Variants in TIRAP observed in about 807,000 individuals in gnomAD.
TIRAP encodes toll/interleukin-1 receptor domain-containing adapter protein.
Under a neutral mutation model 19.8 loss-of-function variants are expected in TIRAP, and 20 were observed. The ratio of observed to expected loss-of-function variants is 1.01; its 90% CI spans 0.71 to 1.47. The LOEUF (loss-of-function observed/expected upper bound fraction) is 1.47. Among genes scored for constraint, TIRAP ranks in the 40% most tolerant of loss-of-function variants. The pLI is 0.00. For synonymous variants in TIRAP, 125 were observed against 121.7 expected (o/e 1.03, Z -0.18); for missense variants, 276 against 285.1 (o/e 0.97, Z 0.23).
intron 1 of TIRAP, among the ~76,000 whole-genome samples, chr11:126,286,301 G>T (rs1434413135): frequency 6.6e-6 from 1 of 151,994 alleles, no homozygotes; most frequent in Non-Finnish European, 1.5e-5. Flanking sequence ...GGAGGCAGAG[G>T]TTGCAGTGAG....
rs962670567 is a variant in TIRAP at position 126,288,454 on chromosome 11, C to A, written c.-216-2008C>A. 21 of 152,210 alleles carry A rather than the reference C, an allele frequency of 1.4e-4. No individual in the cohort carries two copies. Among genetic ancestry groups the A allele is most frequent in the Non-Finnish European group, 3.1e-4 (21 of 68,040 alleles). The allele number at this position is 152,210 out of a possible 1,614,324, so 9.4% of individuals were successfully genotyped here. A position where few individuals can be genotyped will look rare whatever the true frequency, so the allele number is the denominator to read the frequency against. On this transcript the variant is annotated intron_variant, in intron 1 of 4. Transcript: ENST00000392679. This position sits in a 1 kb window ranked among gnomAD's most constrained non-coding sequence, Gnocchi z 5.0. ...TGAATATGTGACAGTTCCACAGCTC[C>A]AGCTACAAAAGAACTGAAAAGGAAC...
intron 1 of TIRAP, chr11:126,289,857 C>G (rs1013166937): frequency 2.3e-5 from 23 of 984,948 alleles, no homozygotes; most frequent in Admixed American, 1.2e-4. Flanking sequence ...CTAAGGGATT[C>G]TTGGGCCTTT....
chr11:126,293,446 C>T lies in TIRAP; in HGVS notation c.647-222C>T. 6 of 713,372 alleles carry T rather than the reference C, an allele frequency of 8.4e-6. No homozygotes were observed. In the South Asian group the frequency reaches 8.9e-5, roughly 11 times the overall value. 44.2% of individuals were successfully genotyped at this position (713,372 alleles called of 1,614,324 possible). A position where few individuals can be genotyped will look rare whatever the true frequency, so the allele number is the denominator to read the frequency against. On this transcript the variant is annotated intron_variant, in intron 4 of 4. Transcript: ENST00000392679. ...TTCTCTGAGATCAGGCTGGAGATGT[C>T]CATCAAGAGCTGGGAAGGTGCCAGG...
Position 126,283,099 on chromosome 11 carries a change from C to CCCGCGGAGCCCGCGCAGT in TIRAP, c.-265_-248dup. Reference sequence around the variant, plus strand: ...GAGCGGGGCCTGCGCGCTGCTCTTCCCCGCGGAGCCCGCGCAGTCCGCGCA... The same window carrying CCCGCGGAGCCCGCGCAGT: ...GAGCGGGGCCTGCGCGCTGCTCTTCCCCGCGGAGCCCGCGCAGTCCGCGGAGCCCGCGCAGTCCGCGCA... On this transcript the variant is annotated 5_prime_UTR_variant, in exon 1 of 5. Transcript: ENST00000392679. 6 of 985,238 alleles carry CCCGCGGAGCCCGCGCAGT rather than the reference C, an allele frequency of 6.1e-6. No homozygotes were observed. Among genetic ancestry groups the CCCGCGGAGCCCGCGCAGT allele is most frequent in the Non-Finnish European group, 7.2e-6 (6 of 829,860 alleles). 61.0% of individuals were successfully genotyped at this position (985,238 alleles called of 1,614,324 possible).
rs995320117 is a variant in TIRAP at position 126,287,321 on chromosome 11, T to A, written c.-216-3141T>A. 6.6e-6 allele frequency among the ~76,000 whole-genome samples: 1 copy of A among 151,914 alleles called. No homozygotes were observed. Among genetic ancestry groups the A allele is most frequent in the African/African-American group, 2.4e-5 (1 of 41,374 alleles). The stretch of plus-strand genomic sequence containing the variant: ...TTGGATACTAAATACACTTTGGATT[T>A]TTTTTTTTTTATTTTTGAGACTTGA... On this transcript the variant is annotated intron_variant, in intron 1 of 4. Transcript: ENST00000392679. This position sits in a 1 kb window ranked among gnomAD's most constrained non-coding sequence, Gnocchi z 4.2.
rs1057122798 is a variant in TIRAP, at chr11:126,283,105, G to A, written c.-265G>A. On this transcript the variant is annotated 5_prime_UTR_variant, in exon 1 of 5. Transcript: ENST00000392679. ...GGCCTGCGCGCTGCTCTTCCCCGCG[G>A]AGCCCGCGCAGTCCGCGCAGCCCTC... 1.2e-4 allele frequency: 119 copies of A among 985,256 alleles called. No individual in the cohort carries two copies. In the African/African-American group the frequency reaches 1.6e-3, roughly 13 times the overall value. 61.0% of individuals were successfully genotyped at this position (985,256 alleles called of 1,614,324 possible).
Position 126,290,744 on chromosome 11 carries a change from T to C in TIRAP, c.-92-59T>C, listed in dbSNP as rs945688140. 2.8e-6 allele frequency: 4 copies of C among 1,426,994 alleles called. No homozygotes were observed. In the African/African-American group the frequency reaches 4.4e-5, roughly 16 times the overall value. The allele number at this position is 1,426,994 out of a possible 1,614,324, so 88.4% of individuals were successfully genotyped here. On this transcript the variant is annotated intron_variant, in intron 2 of 4. Transcript: ENST00000392679. This position sits in a 1 kb window ranked among gnomAD's most constrained non-coding sequence, Gnocchi z 4.9. Reference sequence around the variant, plus strand: ...AACAGAACTTCGCAGAGCTCATCCATGGGGAATGAGAGCAGGGTAAGTGCA... The same window carrying C: ...AACAGAACTTCGCAGAGCTCATCCACGGGGAATGAGAGCAGGGTAAGTGCA...
chr11:126,293,890 C>T lies in TIRAP; in HGVS notation c.*203C>T. ...AGACCATGGAGAGCTTGGGGACTCC[C>T]CCAGGAAGGCCGTGAAGCTGGGGAT... is the stretch of plus-strand genomic sequence containing the variant. On this transcript the variant is annotated 3_prime_UTR_variant, in exon 5 of 5. Transcript: ENST00000392679. 2 of 615,348 alleles carry T rather than the reference C, an allele frequency of 3.3e-6. No homozygotes were observed. The highest frequency in any genetic ancestry group is 1.9e-5 in the South Asian group (1 of 52,662). 38.1% of individuals were successfully genotyped at this position (615,348 alleles called of 1,614,324 possible).
Position 126,293,763 on chromosome 11 carries a change from CA to C in TIRAP, c.*77del, listed in dbSNP as rs769912545. The C allele has an allele frequency of 3.3e-6, 5 of 1,527,228 alleles. No homozygotes were observed. In the South Asian group the frequency reaches 5.6e-5, roughly 17 times the overall value. 94.6% of individuals were successfully genotyped at this position (1,527,228 alleles called of 1,614,324 possible). On this transcript the variant is annotated 3_prime_UTR_variant, in exon 5 of 5. Transcript: ENST00000392679. ...AAACCCATGCAGGGCCTCGGATTCC[CA>C]CAAATGTGACAAGAGGTATAGGGAG...
In TIRAP at chr11:126,293,956, G is replaced by C. The variant is rs551011407; in HGVS notation, c.*269G>C. ...CATGAGGAAGCTGGGGACTCCCCAA[G>C]AAGGCCATGAGGAAGCCAGAAATTG... On this transcript the variant is annotated 3_prime_UTR_variant, in exon 5 of 5. Coordinates refer to ENST00000392679, the MANE Select transcript of TIRAP (RefSeq NM_001318777.2). The C allele has an allele frequency of 1.8e-4, 94 of 523,386 alleles. 2 individuals are homozygous for C. In the South Asian group the frequency reaches 1.8e-3, roughly 10 times the overall value. 32.4% of individuals were successfully genotyped at this position (523,386 alleles called of 1,614,324 possible).
Position 126,294,499 on chromosome 11 carries a change from G to T in TIRAP, c.*812G>T, listed in dbSNP as rs1469679154. On this transcript the variant is annotated 3_prime_UTR_variant, in exon 5 of 5. Transcript: ENST00000392679. ...AGCCCATGGATGCTGTGACATCTGG[G>T]AGCTTCATCAGTGGTCTGGCTAAAG... 1 of 456,226 alleles carries T rather than the reference G, an allele frequency of 2.2e-6. No individual in the cohort carries two copies. Among genetic ancestry groups the T allele is most frequent in the East Asian group, 6.9e-5 (1 of 14,396 alleles). 28.3% of individuals were successfully genotyped at this position (456,226 alleles called of 1,614,324 possible).
chr11:126,290,677 G>A lies in TIRAP; in HGVS notation c.-93+92G>A. The A allele has an allele frequency of 1.5e-6, 2 of 1,346,598 alleles. No homozygotes were observed. Among genetic ancestry groups the A allele is most frequent in the Non-Finnish European group, 1.9e-6 (2 of 1,053,244 alleles). 83.4% of individuals were successfully genotyped at this position (1,346,598 alleles called of 1,614,324 possible). A position where few individuals can be genotyped will look rare whatever the true frequency, so the allele number is the denominator to read the frequency against. The stretch of plus-strand genomic sequence containing the variant: ...GGCCCTAATCTCATGAGGAATGAAA[G>A]ACCCATTTAGAGAAGAAGCCTCTGT... On this transcript the variant is annotated intron_variant, in intron 2 of 4. Transcript: ENST00000392679. The surrounding 1 kb of genome is among the most constrained non-coding windows in gnomAD (Gnocchi z 4.9).
intron 4 of TIRAP, 39 bp downstream of exon 4, chr11:126,293,094 G>C (rs1164131220): frequency 6.2e-7 from 1 of 1,613,380 alleles, no homozygotes; most frequent in Non-Finnish European, 8.5e-7. Context: ...ACGGGATTCA[G>C]CTACAGTATC....
chr11:126,290,273 A>G lies in TIRAP; in HGVS notation c.-216-189A>G, dbSNP rs1951364368. On this transcript the variant is annotated intron_variant, in intron 1 of 4. Coordinates refer to ENST00000392679, the MANE Select transcript of TIRAP (RefSeq NM_001318777.2). The surrounding 1 kb of genome is among the most constrained non-coding windows in gnomAD (Gnocchi z 4.9). Reference sequence around the variant, plus strand: ...TCTGCAGTCTGTACCACTTTTTGACATGACCTTCCTGAGCTGACGGCTGCA... The same window carrying G: ...TCTGCAGTCTGTACCACTTTTTGACGTGACCTTCCTGAGCTGACGGCTGCA... Among the ~76,000 whole-genome samples, 1 of 152,164 alleles carries G rather than the reference A, an allele frequency of 6.6e-6. No individual in the cohort carries two copies. Among genetic ancestry groups the G allele is most frequent in the African/African-American group, 2.4e-5 (1 of 41,462 alleles).
In TIRAP at chr11:126,292,953, C is replaced by T. The variant is rs780683842; in HGVS notation, c.544C>T (p.Leu182Phe). Residue 182 changes from leucine (L) to phenylalanine (F), a missense_variant, in exon 4 of 5, where the codon CTC becomes TTC. By Grantham distance (22) the Leu-to-Phe change is conservative. Coordinates refer to ENST00000392679, the MANE Select transcript of TIRAP (RefSeq NM_001318777.2). ...EGCTIPLLSG[L>F]SRAAYPPELR... ...CTGCACCATCCCCCTGCTGTCGGGC[C>T]TCAGCAGAGCTGCCTACCCACCTGA... 4 of 1,614,044 alleles carry T rather than the reference C, an allele frequency of 2.5e-6. No homozygotes were observed. Among genetic ancestry groups the T allele is most frequent in the Non-Finnish European group, 3.4e-6 (4 of 1,180,000 alleles).
chr11:126,292,403 G>T, intron 3 of TIRAP, 74 bp from the exon 4 acceptor site: 3 of 1,534,928 alleles, frequency 2.0e-6, no homozygotes, highest in Non-Finnish European at 1.8e-6. Context: ...CCTGTGAGGT[G>T]GGGCTCCTCC....
Position 126,290,963 on chromosome 11 carries a change from T to C in TIRAP, c.67+2T>C, listed in dbSNP as rs748624875. ...AGAAGCCTCTAGGCAAGATGGCTGG[T>C]GAGTGGAACCGGACTCGCGACTCTG... On this transcript the variant is annotated splice_donor_variant, in intron 3 of 4. Transcript: ENST00000392679. LOFTEE classifies it high-confidence loss of function. This position sits in a 1 kb window ranked among gnomAD's most constrained non-coding sequence, Gnocchi z 4.9. 2 of 1,603,416 alleles carry C rather than the reference T, an allele frequency of 1.2e-6. No individual in the cohort carries two copies. Among genetic ancestry groups the C allele is most frequent in the African/African-American group, 2.7e-5 (2 of 74,734 alleles).
In TIRAP at chr11:126,291,711, T is replaced by G; in HGVS notation, c.67+750T>G. 1 of 364,470 alleles carries G rather than the reference T, an allele frequency of 2.7e-6. No individual in the cohort carries two copies. The highest frequency in any genetic ancestry group is 5.5e-6 in the Non-Finnish European group (1 of 182,820). 22.6% of individuals were successfully genotyped at this position (364,470 alleles called of 1,614,324 possible). ...CCTTCCTTCCTGTATACGTAGCCCT[T>G]CCTAATCTAAGTCCACCTCCCCTCA... On this transcript the variant is annotated intron_variant, in intron 3 of 4. Transcript: ENST00000392679. The surrounding 1 kb of genome is among the most constrained non-coding windows in gnomAD (Gnocchi z 5.6).
intron 4 of TIRAP, 54 bp from the exon 5 acceptor site, chr11:126,293,614 A>C (rs1005916051): frequency 6.2e-7 from 1 of 1,606,922 alleles, no homozygotes; most frequent in African/African-American, 1.3e-5. Context: ...CCTGTTGGGG[A>C]AAACAGATGC....
Sources: allele counts gnomAD v4.1 joint callset (sites outside exome capture counted in the v4.1 genomes callset), GRCh38; gene constraint gnomAD v4.1.1; non-coding constraint Gnocchi (gnomAD v3.1); transcripts MANE v1.5; gene names NCBI Gene and HGNC (gene_info 2026-07-23, HGNC 2026-07-21).